FAM168B: variants seen among roughly 807,000 people sequenced by gnomAD.
FAM168B encodes the protein myelin-associated neurite-outgrowth inhibitor.
A neutral mutation model predicts 21.8 loss-of-function variants in FAM168B; 19 were observed. The observed-to-expected ratio is 0.87, with a 90% CI of 0.61 to 1.28. The LOEUF is 1.28. Ranked by LOEUF, FAM168B falls within the 50% of genes most tolerant of loss-of-function variation. The probability of loss-of-function intolerance (pLI) is 0.00; values close to 1 mark genes in which losing one functional copy is unlikely to be tolerated. For missense variants in FAM168B, 233 were observed against 263.1 expected, an observed-to-expected ratio of 0.89 and a Z score of 0.79; for synonymous variants, 126 against 104.8, an observed-to-expected ratio of 1.20 and a Z score of -1.24.
At position 131,049,911 on chromosome 2, in the gene FAM168B, A is replaced by G; in HGVS notation, c.*2554T>C. The G allele has an allele frequency of 1.0e-6, 1 of 985,614 alleles. No homozygotes were observed. The highest frequency in any genetic ancestry group is 1.2e-6 in the Non-Finnish European group (1 of 829,934). The allele number at this position is 985,614 out of a possible 1,614,324, so 61.1% of individuals were successfully genotyped here. On this transcript the variant is annotated 3_prime_UTR_variant, in exon 7 of 7. Transcript: ENST00000389915. ...GCGAATGTTGATAAAATTACAACCT[A>G]TGACAGTTTTGTGACTATTTCCTAA... is the stretch of plus-strand genomic sequence containing the variant.
chr2:131,060,152 A>G (rs1692221266), intron 3 of FAM168B, among the ~76,000 whole-genome samples: 1 of 152,136 alleles, frequency 6.6e-6, no homozygotes. Flanking sequence ...CAGCCTCTCA[A>G]GTAGCTGGGA....
chr2:131,055,524 C>G, intron 4 of FAM168B, 29 bp downstream of exon 4: 1 of 1,598,344 alleles, frequency 6.3e-7, no homozygotes, highest in Non-Finnish European at 8.5e-7. Flanking sequence ...ATCACCCCTT[C>G]CCACACAGCA....
At chr2:131,084,779 C>T (rs1693598507) in intron 1 of FAM168B, among the ~76,000 whole-genome samples, 1 of 152,038 alleles carries the variant, frequency 6.6e-6, no homozygotes, top group African/African-American at 2.4e-5. Flanking sequence ...CGTGGTCTCG[C>T]TCTGCCAGTC....
intron 2 of FAM168B, among the ~76,000 whole-genome samples, chr2:131,073,576 C>G (rs1397029339): frequency 6.6e-6 from 1 of 152,196 alleles, no homozygotes; most frequent in African/African-American, 2.4e-5. Flanking sequence ...AGCCCCCTTT[C>G]TCTCTGACGC....
chr2:131,069,368 T>C (rs1692739488), intron 3 of FAM168B, among the ~76,000 whole-genome samples: 1 of 152,186 alleles, frequency 6.6e-6, no homozygotes, highest in South Asian at 2.1e-4. Flanking sequence ...AATCCATTCC[T>C]ACCATCATAC....
At chr2:131,080,166 CAGAG>C (rs1421704237) in intron 2 of FAM168B, among the ~76,000 whole-genome samples, 1 of 151,446 alleles carries the variant, frequency 6.6e-6, no homozygotes, top group Admixed American at 6.6e-5. Context: ...TCAATGACTC[CAGAG>C]AGAAACATGT....
chr2:131,073,086 C>T (rs80162839), intron 2 of FAM168B, among the ~76,000 whole-genome samples: 4,074 of 152,062 alleles, frequency 0.027, 173 homozygotes, highest in African/African-American at 0.091. Flanking sequence ...GGTTTTTTCA[C>T]ATTCTGATGT....
At chr2:131,080,866 G>C (rs1693397743) in intron 2 of FAM168B, among the ~76,000 whole-genome samples, 1 of 151,592 alleles carries the variant, frequency 6.6e-6, no homozygotes, top group Admixed American at 6.6e-5. Context: ...TAGAGACGGG[G>C]TTTCAGTGTT....
chr2:131,083,380 A>C (rs578155625), intron 1 of FAM168B, among the ~76,000 whole-genome samples: 35 of 150,438 alleles, frequency 2.3e-4, no homozygotes, highest in East Asian at 5.8e-4. Flanking sequence ...CAAAACAAAA[A>C]CAAACAAAAA....
In FAM168B at chr2:131,050,666, A is replaced by G. The variant is rs370138517; in HGVS notation, c.*1799T>C. ...AAAATAAGATGTGAAAAAGAAAATTATAAGAAGTACTTACTATAAAAAATA... is the reference window on the plus strand; with the variant it reads ...AAAATAAGATGTGAAAAAGAAAATTGTAAGAAGTACTTACTATAAAAAATA... On this transcript the variant is annotated 3_prime_UTR_variant, in exon 7 of 7. Transcript: ENST00000389915. 4.4e-5 allele frequency: 43 copies of G among 985,054 alleles called. 1 individual carries two copies. In the African/African-American group the frequency reaches 6.8e-4, roughly 16 times the overall value. 61.0% of individuals were successfully genotyped at this position (985,054 alleles called of 1,614,324 possible). A position where few individuals can be genotyped will look rare whatever the true frequency, so the allele number is the denominator to read the frequency against.
Position 131,048,409 on chromosome 2 carries a change from G to T in FAM168B, c.*4056C>A, listed in dbSNP as rs190501461. 2.4e-6 allele frequency: 3 copies of T among 1,266,396 alleles called. No individual in the cohort carries two copies. Among genetic ancestry groups the T allele is most frequent in the East Asian group, 5.8e-5 (1 of 17,128 alleles). The allele number at this position is 1,266,396 out of a possible 1,614,324, so 78.4% of individuals were successfully genotyped here. On this transcript the variant is annotated 3_prime_UTR_variant, in exon 7 of 7. Transcript: ENST00000389915. ...GCACACCACCCTTCTGCAGGCCCGG[G>T]GGGGGGTCCCTACACAGACGCCGCT...
At chr2:131,078,605 T>C (rs1037982745) in intron 2 of FAM168B, among the ~76,000 whole-genome samples, 2 of 152,196 alleles carry the variant, frequency 1.3e-5, no homozygotes, top group African/African-American at 4.8e-5. Context: ...CGCATCTAGT[T>C]ACATCATGGT....
intron 1 of FAM168B, among the ~76,000 whole-genome samples, chr2:131,090,115 C>A (rs1213608792): frequency 4.3e-5 from 6 of 138,778 alleles, no homozygotes; most frequent in African/African-American, 1.4e-4. Context: ...GTCAGGAGAT[C>A]GAGACCACAG....
At chr2:131,062,737 C>T (rs377584478) in intron 3 of FAM168B, among the ~76,000 whole-genome samples, 3 of 152,166 alleles carry the variant, frequency 2.0e-5, no homozygotes, top group African/African-American at 2.4e-5. Context: ...TATGAGCCGC[C>T]GCGTCCGGCC....
intron 3 of FAM168B, among the ~76,000 whole-genome samples, chr2:131,055,919 A>C (rs1440741348): frequency 6.6e-6 from 1 of 152,232 alleles, no homozygotes; most frequent in African/African-American, 2.4e-5. Context: ...GGAGGAGGAA[A>C]AAATACCAAA....
chr2:131,091,980 A>G (rs1269204592), intron 1 of FAM168B, among the ~76,000 whole-genome samples: 2 of 150,614 alleles, frequency 1.3e-5, no homozygotes, highest in Non-Finnish European at 3.0e-5. Flanking sequence ...AAAAAAAAAA[A>G]CAAATACAAA....
rs901406918 is a variant in FAM168B at position 131,079,984 on chromosome 2, G to T, written c.70+2593C>A. On this transcript the variant is annotated intron_variant, in intron 2 of 6. Transcript: ENST00000389915. ...ATACAAACATTAGCTGGGCATGGTG[G>T]CAGGCGCCTGTAATCCCAGCAACTC... is the stretch of plus-strand genomic sequence containing the variant. Among the ~76,000 whole-genome samples, 6 of 152,094 alleles carry T rather than the reference G, an allele frequency of 3.9e-5. 1 individual carries two copies. The highest frequency in any genetic ancestry group is 6.8e-3 in the Middle Eastern group (2 of 294).
intron 3 of FAM168B, among the ~76,000 whole-genome samples, chr2:131,059,615 C>T: frequency 6.6e-6 from 1 of 152,170 alleles, no homozygotes; most frequent in South Asian, 2.1e-4. Context: ...CATAGAGCTA[C>T]CCTCTGTGTG....
At chr2:131,084,346 A>G (rs1422523672) in intron 1 of FAM168B, among the ~76,000 whole-genome samples, 2 of 150,184 alleles carry the variant, frequency 1.3e-5, no homozygotes, top group African/African-American at 4.9e-5. Context: ...TGGTGCCACC[A>G]CATCTGGCTA....
Sources: allele counts gnomAD v4.1 joint callset (sites outside exome capture counted in the v4.1 genomes callset), GRCh38; gene constraint gnomAD v4.1.1; transcripts MANE v1.5; gene names NCBI Gene and HGNC (gene_info 2026-07-23, HGNC 2026-07-21).